ZNF17: variants seen among roughly 807,000 people sequenced by gnomAD.
ZNF17 encodes the protein zinc finger protein 17 (HPF3, KOX 10).
Under a neutral mutation model 7.7 loss-of-function variants are expected in ZNF17, and 4 were observed. The ratio of observed to expected loss-of-function variants is 0.52; its 90% CI spans 0.26 to 1.20. The LOEUF (loss-of-function observed/expected upper bound fraction) is 1.20, where lower values mean the gene tolerates loss of function less well. Ranked by LOEUF, ZNF17 falls within the 50% of genes most tolerant of loss-of-function variation. The pLI is 0.14. For missense variants in ZNF17, 738 were observed against 799.5 expected (o/e 0.92, Z 0.93); for synonymous variants, 249 against 258.8 (o/e 0.96, Z 0.36).
rs751725988 is a variant in ZNF17 at position 57,420,452 on chromosome 19, C to T, written c.966C>T (p.His322=). 6.2e-7 allele frequency: 1 copy of T among 1,613,778 alleles called. No individual in the cohort carries two copies. The highest frequency in any genetic ancestry group is 8.5e-7 in the Non-Finnish European group (1 of 1,179,972). The change falls in exon 4 of 4, where the codon CAC becomes CAT. Residue 322 remains histidine (H), a synonymous_variant. Coordinates refer to ENST00000307658, the MANE Select transcript of ZNF17 (RefSeq NM_001330617.2). ...TTACACAGGCTCACCTTGTTGGTCA[C>T]CAGAAAATTCATACTGGAGAACGGC... ...AFLTQAHLVG[H]QKIHTGERPY...
Position 57,417,816 on chromosome 19 carries a change from C to T in ZNF17, c.22-96C>T. ...GAGCCGAGATCACACCACTGCACTC[C>T]AGCCTGGCAACAGAGCGAGACTCCA... On this transcript the variant is annotated intron_variant, in intron 2 of 3. Transcript: ENST00000307658. The T allele has an allele frequency of 2.7e-6, 4 of 1,483,440 alleles. No homozygotes were observed. In the South Asian group the frequency reaches 4.9e-5, roughly 18 times the overall value. The allele number at this position is 1,483,440 out of a possible 1,614,324, so 91.9% of individuals were successfully genotyped here.
chr19:57,420,723 G>GA lies in ZNF17; in HGVS notation c.1241dup (p.Pro415AlafsTer3). ...TAGACATCAGAAAGTTCACACTGGA[G>GA]AAAAGCCTTATGAGTGTAGTGAATG... On this transcript the variant is annotated frameshift_variant, in exon 4 of 4. Coordinates refer to ENST00000307658, the MANE Select transcript of ZNF17 (RefSeq NM_001330617.2). LOFTEE classifies it low-confidence loss of function (END_TRUNC). 6.2e-7 allele frequency: 1 copy of GA among 1,614,050 alleles called. No homozygotes were observed. Among genetic ancestry groups the GA allele is most frequent in the East Asian group, 2.2e-5 (1 of 44,872 alleles).
At position 57,420,805 on chromosome 19, in the gene ZNF17, G is replaced by C; in HGVS notation, c.1319G>C (p.Gly440Ala). 1 of 1,614,160 alleles carries C rather than the reference G, an allele frequency of 6.2e-7. No homozygotes were observed. The highest frequency in any genetic ancestry group is 1.3e-5 in the African/African-American group (1 of 75,042). The change falls in exon 4 of 4, where the codon GGA (glycine) becomes GCA (alanine). Residue 440 changes from glycine to alanine, a missense_variant. Physicochemically the swap from Gly to Ala is moderately conservative, Grantham distance 60 (BLOSUM62 0). Transcript: ENST00000307658. ...TLIIHQRVHTGEKPYECNKCG... is the reference protein window; with the variant it reads ...TLIIHQRVHTAEKPYECNKCG... ...ATTATTCATCAGAGAGTTCATACTG[G>C]AGAAAAGCCTTATGAATGCAACAAA...
At chr19:57,419,404 T>A in intron 3 of ZNF17, 1 of 442,512 alleles carries the variant, frequency 2.3e-6, no homozygotes, top group South Asian at 3.3e-5. Context: ...TCCACTTCTG[T>A]GCTCTGCACT....
intron 2 of ZNF17, among the ~76,000 whole-genome samples, chr19:57,414,374 G>C (rs1054053782): frequency 1.3e-5 from 2 of 149,102 alleles, no homozygotes; most frequent in Non-Finnish European, 3.0e-5. Flanking sequence ...TAACTCTGTC[G>C]CCCAGGCGGG....
At chr19:57,411,660 G>C in intron 1 of ZNF17, 1 of 1,343,568 alleles carries the variant, frequency 7.4e-7, no homozygotes, top group Non-Finnish European at 9.5e-7. Flanking sequence ...GGGTGAGGCG[G>C]AGTCTCGCCT....
At position 57,419,936 on chromosome 19, in the gene ZNF17, A is replaced by T; in HGVS notation, c.450A>T (p.Thr150=). ...DSVHLAKRNL[T]CMQGGKDFTG... The stretch of plus-strand genomic sequence containing the variant: ...TTCACCTGGCAAAGAGGAACCTCAC[A>T]TGCATGCAGGGTGGCAAGGATTTTA... Residue 150 remains threonine (T), a synonymous_variant, in exon 4 of 4, where the codon ACA becomes ACT. Transcript: ENST00000307658. 6.2e-7 allele frequency: 1 copy of T among 1,614,226 alleles called. No homozygotes were observed. The highest frequency in any genetic ancestry group is 8.5e-7 in the Non-Finnish European group (1 of 1,180,028).
At position 57,419,727 on chromosome 19, in the gene ZNF17, TC is replaced by T; in HGVS notation, c.243del (p.Thr82ProfsTer14). The T allele has an allele frequency of 6.2e-7, 1 of 1,614,194 alleles. No homozygotes were observed. The highest frequency in any genetic ancestry group is 8.5e-7 in the Non-Finnish European group (1 of 1,180,042). ...SQVTTLKPALSTQKAQPCETC... is the reference protein window; with the variant it reads ...SQVTTLKPALXTQKAQPCETC... ...GGTCACAACTTTAAAGCCAGCTTTG[TC>T]CACCCAGAAGGCCCAGCCCTGTGAG... On this transcript the variant is annotated frameshift_variant, in exon 4 of 4. Transcript: ENST00000307658. LOFTEE classifies it low-confidence loss of function (END_TRUNC).
In ZNF17 at chr19:57,419,798, T is replaced by C. The variant is rs771498248; in HGVS notation, c.312T>C (p.His104=). ...AGGACATTCTACACCTGGCTGAGCA[T>C]GACGGAACACACCCCAAGCGTACAG... ...LLKDILHLAE[H]DGTHPKRTAK... Residue 104 remains histidine, a synonymous_variant, in exon 4 of 4, where the codon CAT becomes CAC. Transcript: ENST00000307658. The C allele has an allele frequency of 7.4e-6, 12 of 1,614,168 alleles. No individual in the cohort carries two copies. The highest frequency in any genetic ancestry group is 1.0e-5 in the Non-Finnish European group (12 of 1,180,032).
Position 57,420,085 on chromosome 19 carries a change from A to T in ZNF17, c.599A>T (p.Asp200Val). 1 of 1,614,234 alleles carries T rather than the reference A, an allele frequency of 6.2e-7. No individual in the cohort carries two copies. Among genetic ancestry groups the T allele is most frequent in the South Asian group, 1.1e-5 (1 of 91,090 alleles). The change falls in exon 4 of 4, where the codon GAC (aspartate) becomes GTC (valine). Residue 200 changes from aspartate (D) to valine (V), a missense_variant. Asp to Val is a radical substitution (Grantham distance 152). Around this residue, in one of 3 missense-constraint regions of ZNF17, gnomAD observed 616 missense variants for 663.9 expected, o/e 0.93. Transcript: ENST00000307658. ...TACAGCTGCACCCAATGTGGGAAAG[A>T]CTTTTGCCACCAACATACACTGTTT... ...NNYSCTQCGK[D>V]FCHQHTLFEH...
At chr19:57,412,306 T>C (rs937474647) in intron 1 of ZNF17, among the ~76,000 whole-genome samples, 1 of 152,126 alleles carries the variant, frequency 6.6e-6, no homozygotes, top group Non-Finnish European at 1.5e-5. Context: ...GGGGTAGGGC[T>C]TTCTCACATC....
rs1262867619 is a variant in ZNF17, at chr19:57,421,015, G to C, written c.1529G>C (p.Arg510Thr). The C allele has an allele frequency of 1.2e-6, 2 of 1,613,922 alleles. No homozygotes were observed. Among genetic ancestry groups the C allele is most frequent in the Non-Finnish European group, 1.7e-6 (2 of 1,180,018 alleles). Residue 510 changes from arginine (R) to threonine (T), a missense_variant, in exon 4 of 4, where the codon AGA becomes ACA. Around this residue, in one of 3 missense-constraint regions of ZNF17, gnomAD observed 616 missense variants for 663.9 expected, o/e 0.93. Coordinates refer to ENST00000307658, the MANE Select transcript of ZNF17 (RefSeq NM_001330617.2). ...FECSICGKSF[R>T]CRSTLDTHQR... ...TGCAGCATTTGTGGGAAATCCTTTA[G>C]ATGTCGCTCCACACTTGATACACAT...
intron 2 of ZNF17, among the ~76,000 whole-genome samples, chr19:57,416,862 C>A (rs2088814301): frequency 6.6e-6 from 1 of 152,106 alleles, no homozygotes; most frequent in African/African-American, 2.4e-5. Flanking sequence ...CATCTTTGTT[C>A]TATACTGGAG....
At position 57,419,627 on chromosome 19, in the gene ZNF17, T is replaced by TA; in HGVS notation, c.149-8_149-7insA. 6.2e-7 allele frequency: 1 copy of TA among 1,602,388 alleles called. No homozygotes were observed. Among genetic ancestry groups the TA allele is most frequent in the Non-Finnish European group, 8.5e-7 (1 of 1,172,224 alleles). ...TCATCATGCACTTCATGAGCATTTC[T>TA]GTTTTAGGTTGTTGGCATGGAGCCA... On this transcript the variant is annotated splice_polypyrimidine_tract_variant and splice_region_variant and intron_variant, in intron 3 of 3. Coordinates refer to ENST00000307658, the MANE Select transcript of ZNF17 (RefSeq NM_001330617.2).
At position 57,411,708 on chromosome 19, in the gene ZNF17, G is replaced by A; in HGVS notation, c.-21+302G>A. ...GAGCTGCTGAAAGCCGTAGAAGGCT[G>A]TGCAGGAAGGGTTATGCCCAGAGGT... On this transcript the variant is annotated intron_variant, in intron 1 of 3. Coordinates refer to ENST00000307658, the MANE Select transcript of ZNF17 (RefSeq NM_001330617.2). 3.1e-6 allele frequency: 4 copies of A among 1,286,978 alleles called. No homozygotes were observed. The South Asian group carries it at 9.5e-5, about 30-fold the overall frequency. The allele number at this position is 1,286,978 out of a possible 1,614,324, so 79.7% of individuals were successfully genotyped here.
rs1315886580 is a variant in ZNF17 at position 57,417,902 on chromosome 19, A to G, written c.22-10A>G. ...GTTGCTCACAGACTAAACTGTTATA[A>G]TTTTGGCAGGATTATATGGTTTTTG... On this transcript the variant is annotated splice_polypyrimidine_tract_variant and intron_variant, in intron 2 of 3. Transcript: ENST00000307658. 6.2e-7 allele frequency: 1 copy of G among 1,613,688 alleles called. No individual in the cohort carries two copies. The highest frequency in any genetic ancestry group is 2.2e-5 in the East Asian group (1 of 44,878).
intron 1 of ZNF17, 82 bp from the exon 2 acceptor site, chr19:57,413,514 G>T (rs976488164): frequency 4.8e-6 from 7 of 1,463,350 alleles, no homozygotes; most frequent in Non-Finnish European, 5.5e-6. Flanking sequence ...TGCTCTAGTT[G>T]CAGGGCCAGA....
chr19:57,421,501 G>A lies in ZNF17; in HGVS notation c.*20G>A. 1 of 1,557,018 alleles carries A rather than the reference G, an allele frequency of 6.4e-7. No homozygotes were observed. The highest frequency in any genetic ancestry group is 2.0e-5 in the Admixed American group (1 of 50,664). Reference sequence around the variant, plus strand: ...AGATAAAGAATGTATATATAAAGCAGATGGGGAAAGACTTCACACAGAAAT... The same window carrying A: ...AGATAAAGAATGTATATATAAAGCAAATGGGGAAAGACTTCACACAGAAAT... On this transcript the variant is annotated 3_prime_UTR_variant, in exon 4 of 4. Coordinates refer to ENST00000307658, the MANE Select transcript of ZNF17 (RefSeq NM_001330617.2).
In ZNF17 at chr19:57,420,267, T is replaced by C. The variant is rs755581715; in HGVS notation, c.781T>C (p.Tyr261His). The part of the protein sequence containing the change: ...SECGKAFSLK[Y>H]NVVQHQKIHT... ...ATGTGGAAAAGCCTTCAGCCTCAAATACAATGTTGTTCAACACCAGAAAAT... is the reference window on the plus strand; with the variant it reads ...ATGTGGAAAAGCCTTCAGCCTCAAACACAATGTTGTTCAACACCAGAAAAT... The change falls in exon 4 of 4, where the codon TAC (tyrosine) becomes CAC (histidine). Residue 261 changes from tyrosine to histidine, a missense_variant. Coordinates refer to ENST00000307658, the MANE Select transcript of ZNF17 (RefSeq NM_001330617.2). The C allele has an allele frequency of 1.2e-6, 2 of 1,614,070 alleles. No individual in the cohort carries two copies. Among genetic ancestry groups the C allele is most frequent in the Non-Finnish European group, 1.7e-6 (2 of 1,180,002 alleles).
Sources: allele counts gnomAD v4.1 joint callset (sites outside exome capture counted in the v4.1 genomes callset), GRCh38; gene constraint gnomAD v4.1.1; regional missense constraint gnomAD v4.1.1; transcripts MANE v1.5; gene names NCBI Gene and HGNC (gene_info 2026-07-23, HGNC 2026-07-21).